TRAPPC8: variants seen among roughly 807,000 people sequenced by gnomAD.
The protein encoded by TRAPPC8 is trafficking protein particle complex subunit 8.
TRAPPC8 carries 54 observed loss-of-function variants against 174.3 expected under a neutral mutation model. The ratio of observed to expected loss-of-function variants is 0.31; its 90% CI spans 0.25 to 0.39. TRAPPC8 has a LOEUF of 0.39. TRAPPC8 is among the 10% of genes least tolerant of loss of function. The pLI, the probability that TRAPPC8 is intolerant of heterozygous loss-of-function variation, is 1.00. For missense variants in TRAPPC8, 1,531 were observed against 1,699.1 expected (o/e 0.90, Z 1.74); for synonymous variants, 630 against 579.9 (o/e 1.09, Z -1.24).
chr18:31,877,752 C>T (rs186485562), intron 12 of TRAPPC8, among the ~76,000 whole-genome samples: 1,635 of 151,798 alleles, frequency 0.011, 94 homozygotes, highest in Admixed American at 0.097. Context: ...GGTGAAACCC[C>T]GTCTCTACTA....
rs1049795111 is a variant in TRAPPC8 at position 31,916,396 on chromosome 18, T to C, written c.493A>G (p.Lys165Glu). 1.2e-6 allele frequency: 2 copies of C among 1,613,844 alleles called. No individual in the cohort carries two copies. The highest frequency in any genetic ancestry group is 8.5e-7 in the Non-Finnish European group (1 of 1,179,918). Residue 165 changes from lysine (K) to glutamate (E), a missense_variant, in exon 4 of 29, where the codon AAG becomes GAG. Coordinates refer to ENST00000283351, the MANE Select transcript of TRAPPC8 (RefSeq NM_014939.5). The part of the protein sequence containing the change: ...SEAEPVEQFS[K>E]LSQEQHRIQH... ...ATTCGATGCTGTTCTTGTGACAACT[T>C]TGAAAACTGTTCCACAGGTTCAGCT...
At position 31,917,683 on chromosome 18, in the gene TRAPPC8, T is replaced by C. The variant is rs1442236416; in HGVS notation, c.353-16A>G. The C allele has an allele frequency of 1.9e-6, 3 of 1,597,668 alleles. No individual in the cohort carries two copies. In the East Asian group the frequency reaches 6.7e-5, roughly 36 times the overall value. On this transcript the variant is annotated splice_polypyrimidine_tract_variant and intron_variant, in intron 2 of 28. Coordinates refer to ENST00000283351, the MANE Select transcript of TRAPPC8 (RefSeq NM_014939.5). ...GGAGTAGTGGCTAAAATTAACAATATACAAAACAGTTAAAAGTATTCAATA... is the reference window on the plus strand; with the variant it reads ...GGAGTAGTGGCTAAAATTAACAATACACAAAACAGTTAAAAGTATTCAATA...
chr18:31,846,292 G>C (rs537036605), intron 26 of TRAPPC8, among the ~76,000 whole-genome samples: 5 of 152,240 alleles, frequency 3.3e-5, no homozygotes, highest in Admixed American at 1.3e-4. Context: ...ACCTGAACAT[G>C]GCAGTGCGTG....
At chr18:31,847,278 TA>T (rs1269710681) in intron 25 of TRAPPC8, among the ~76,000 whole-genome samples, 2 of 152,192 alleles carry the variant, frequency 1.3e-5, no homozygotes, top group African/African-American at 4.8e-5. Flanking sequence ...TTCATAAATA[TA>T]AATACATATG....
At chr18:31,926,980 T>A (rs1404320572) in intron 2 of TRAPPC8, among the ~76,000 whole-genome samples, 1 of 152,198 alleles carries the variant, frequency 6.6e-6, no homozygotes, top group African/African-American at 2.4e-5. Flanking sequence ...TATAAAAATA[T>A]TACTTAGAAG....
At chr18:31,862,441 T>TG in intron 19 of TRAPPC8, among the ~76,000 whole-genome samples, 1 of 152,092 alleles carries the variant, frequency 6.6e-6, no homozygotes, top group African/African-American at 2.4e-5. Flanking sequence ...GAACCTGGTA[T>TG]GGATACTTTC....
chr18:31,929,793 C>G (rs1235421442), intron 2 of TRAPPC8, among the ~76,000 whole-genome samples: 1 of 152,202 alleles, frequency 6.6e-6, no homozygotes, highest in African/African-American at 2.4e-5. Flanking sequence ...CTTCACACTA[C>G]AACACTGATG....
chr18:31,874,966 C>T (rs1315097931), intron 12 of TRAPPC8, among the ~76,000 whole-genome samples: 1 of 152,144 alleles, frequency 6.6e-6, no homozygotes, highest in African/African-American at 2.4e-5. Context: ...GGAGGCCAGA[C>T]TGCTTTGACA....
chr18:31,905,664 T>C (rs540366941), intron 9 of TRAPPC8, among the ~76,000 whole-genome samples: 109 of 152,232 alleles, frequency 7.2e-4, no homozygotes, highest in Non-Finnish European at 1.1e-3. Flanking sequence ...TGAATAGGTT[T>C]CAAGAAGACT....
At chr18:31,837,445 C>T (rs1420552080) in intron 27 of TRAPPC8, among the ~76,000 whole-genome samples, 1 of 152,154 alleles carries the variant, frequency 6.6e-6, no homozygotes, top group African/African-American at 2.4e-5. Flanking sequence ...GCCTGTGATC[C>T]CAGCACTTTG....
chr18:31,934,248 A>C (rs2037982031), intron 1 of TRAPPC8, among the ~76,000 whole-genome samples: 1 of 152,142 alleles, frequency 6.6e-6, no homozygotes, highest in South Asian at 2.1e-4. Flanking sequence ...AGGAAAGAAA[A>C]GAGACTAAGA....
intron 5 of TRAPPC8, among the ~76,000 whole-genome samples, chr18:31,912,999 G>A (rs1014415097): frequency 6.6e-6 from 1 of 151,938 alleles, no homozygotes; most frequent in Non-Finnish European, 1.5e-5. Context: ...ATGGTGGCAT[G>A]TGCCTGTAAT....
intron 1 of TRAPPC8, among the ~76,000 whole-genome samples, chr18:31,940,358 G>A (rs2038278417): frequency 2.0e-5 from 3 of 151,912 alleles, no homozygotes; most frequent in Admixed American, 1.3e-4. Context: ...CCAGCTACTC[G>A]GGAGGCTGAG....
intron 21 of TRAPPC8, 26 bp downstream of exon 21, chr18:31,855,629 AAAAAC>A (rs753590400): frequency 1.3e-4 from 202 of 1,571,238 alleles, no homozygotes; most frequent in Non-Finnish European, 1.7e-4. Context: ...AAATATAATT[AAAAAC>A]AAAATTCAGT....
intron 2 of TRAPPC8, 109 bp from the exon 3 acceptor site, chr18:31,917,776 C>G: frequency 2.2e-6 from 2 of 914,042 alleles, no homozygotes; most frequent in Non-Finnish European, 3.4e-6. Context: ...AAATTTCTAA[C>G]AGTAAACAAG....
chr18:31,924,738 C>CAA (rs398032376), intron 2 of TRAPPC8, among the ~76,000 whole-genome samples: 5,515 of 91,236 alleles, frequency 0.06, 490 homozygotes, highest in African/African-American at 0.15. Context: ...AACTCCGTCT[C>CAA]AAAAAAAAAA....
chr18:31,870,856 C>T, intron 15 of TRAPPC8, 70 bp downstream of exon 15: 2 of 1,325,660 alleles, frequency 1.5e-6, no homozygotes, highest in African/African-American at 1.5e-5. Flanking sequence ...GTGTGCCAAA[C>T]AATAAATTAT....
chr18:31,926,909 AAT>A (rs2037639519), intron 2 of TRAPPC8, among the ~76,000 whole-genome samples: 1 of 152,050 alleles, frequency 6.6e-6, no homozygotes, highest in Non-Finnish European at 1.5e-5. Flanking sequence ...TATCAATGAT[AAT>A]GAGAAGTCAA....
chr18:31,881,886 G>C (rs1369063561), intron 12 of TRAPPC8, among the ~76,000 whole-genome samples: 1 of 152,062 alleles, frequency 6.6e-6, no homozygotes, highest in Non-Finnish European at 1.5e-5. Context: ...AAAAAATACT[G>C]AACATCACTA....
Sources: allele counts gnomAD v4.1 joint callset (sites outside exome capture counted in the v4.1 genomes callset), GRCh38; gene constraint gnomAD v4.1.1; transcripts MANE v1.5; gene names NCBI Gene and HGNC (gene_info 2026-07-23, HGNC 2026-07-21).